Variants in GRIN2B observed in about 807,000 individuals in gnomAD.
GRIN2B encodes the protein glutamate ionotropic receptor NMDA type subunit 2B.
A neutral mutation model predicts 114.5 loss-of-function variants in GRIN2B; 5 were observed. The ratio of observed to expected loss-of-function variants is 0.04; its 90% CI spans 0.02 to 0.09. GRIN2B has a LOEUF of 0.09. GRIN2B is among the 10% of genes least tolerant of loss of function. The probability of loss-of-function intolerance (pLI) is 1.00; values close to 1 mark genes in which losing one functional copy is unlikely to be tolerated. For missense variants in GRIN2B, 1,108 were observed against 1,943.5 expected (o/e 0.57, Z 8.08); for synonymous variants, 787 against 745.1 (o/e 1.06, Z -0.92).
chr12:13,841,585 T>C (rs11055637), intron 3 of GRIN2B, among the ~76,000 whole-genome samples: 39,412 of 152,046 alleles, frequency 0.26, 5,225 homozygotes, highest in South Asian at 0.35. Context: ...TGTCAGGCTC[T>C]AGCCTAACAG....
intron 1 of GRIN2B, among the ~76,000 whole-genome samples, chr12:13,981,024 CG>C (rs1863126494): frequency 6.6e-6 from 1 of 152,146 alleles, no homozygotes. Flanking sequence ...TCACCTGCAA[CG>C]TGTCGATTGG....
Position 13,550,053 on chromosome 12 carries a change from T to A in GRIN2B, c.*12730A>T, listed in dbSNP as rs1007386862. 6.6e-6 allele frequency: 1 copy of A among 152,188 alleles called. No individual in the cohort carries two copies. Among genetic ancestry groups the A allele is most frequent in the Non-Finnish European group, 1.5e-5 (1 of 68,022 alleles). 9.4% of individuals were successfully genotyped at this position (152,188 alleles called of 1,614,324 possible). On this transcript the variant is annotated 3_prime_UTR_variant, in exon 14 of 14. Coordinates refer to ENST00000609686, the MANE Select transcript of GRIN2B (RefSeq NM_000834.5). The stretch of plus-strand genomic sequence containing the variant: ...AAGTTTTGGTTCAGCCAAGTTTTGG[T>A]TCTGTCAAGAATTTTCTGTATAATC...
intron 2 of GRIN2B, among the ~76,000 whole-genome samples, chr12:13,894,357 G>A (rs1020317881): frequency 6.6e-6 from 1 of 152,104 alleles, no homozygotes; most frequent in Non-Finnish European, 1.5e-5. Flanking sequence ...AGGTGGTTAA[G>A]TAAATTGTGC....
intron 3 of GRIN2B, among the ~76,000 whole-genome samples, chr12:13,842,917 C>CTTTTT (rs201344138): frequency 1.9e-5 from 2 of 103,216 alleles, no homozygotes; most frequent in African/African-American, 3.5e-5. Context: ...ATTGGTTTTT[C>CTTTTT]TTTTTTTTTT....
intron 10 of GRIN2B, among the ~76,000 whole-genome samples, chr12:13,586,461 T>A: frequency 6.6e-6 from 1 of 152,230 alleles, no homozygotes; most frequent in East Asian, 1.9e-4. Context: ...AACACTTGGC[T>A]GACTGGGAAG....
chr12:13,810,332 C>A (rs1864705393), intron 3 of GRIN2B, among the ~76,000 whole-genome samples: 1 of 151,936 alleles, frequency 6.6e-6, no homozygotes, highest in South Asian at 2.1e-4. Flanking sequence ...TCTCATGCCT[C>A]AGCCTCCTGA....
intron 3 of GRIN2B, among the ~76,000 whole-genome samples, chr12:13,799,792 A>AG (rs930612964): frequency 6.6e-6 from 1 of 152,058 alleles, no homozygotes; most frequent in African/African-American, 2.4e-5. Context: ...AAAAGATGGC[A>AG]GGGGGTACAG....
intron 2 of GRIN2B, among the ~76,000 whole-genome samples, chr12:13,936,064 G>T (rs1180654307): frequency 6.6e-6 from 1 of 152,064 alleles, no homozygotes; most frequent in Non-Finnish European, 1.5e-5. Flanking sequence ...TCTGCAGGGT[G>T]GATTATTAGA....
chr12:13,937,191 G>A lies in GRIN2B; in HGVS notation c.-19+42737C>T, dbSNP rs571248442. Reference sequence around the variant, plus strand: ...AACATATATATATATATAACTGGAGGAGTCCCAAAAGATTTTTTTTTAAAT... The same window carrying A: ...AACATATATATATATATAACTGGAGAAGTCCCAAAAGATTTTTTTTTAAAT... On this transcript the variant is annotated intron_variant, in intron 2 of 13. Transcript: ENST00000609686. Among the ~76,000 whole-genome samples, 263 of 151,426 alleles carry A rather than the reference G, an allele frequency of 1.7e-3. 2 individuals are homozygous for A. Among genetic ancestry groups the A allele is most frequent in the South Asian group, 4.4e-3 (21 of 4,800 alleles).
At chr12:13,845,026 C>T (rs1865445309) in intron 3 of GRIN2B, among the ~76,000 whole-genome samples, 1 of 152,038 alleles carries the variant, frequency 6.6e-6, no homozygotes, top group Non-Finnish European at 1.5e-5. Flanking sequence ...GCACTTCTTT[C>T]CTAAGTAGCT....
intron 10 of GRIN2B, among the ~76,000 whole-genome samples, chr12:13,602,855 T>C (rs1292735964): frequency 1.3e-5 from 2 of 152,326 alleles, no homozygotes; most frequent in East Asian, 1.9e-4. Flanking sequence ...ATCAAACTCC[T>C]CTACTTCCTT....
At chr12:13,741,903 C>T (rs1863293119) in intron 4 of GRIN2B, among the ~76,000 whole-genome samples, 1 of 152,096 alleles carries the variant, frequency 6.6e-6, no homozygotes, top group Non-Finnish European at 1.5e-5. Context: ...TACTTTTAAG[C>T]TTAAATTATG....
Position 13,563,236 on chromosome 12 carries a change from G to T in GRIN2B, c.4002C>A (p.Ser1334Arg). The change falls in exon 14 of 14, where the codon AGC becomes AGA. Residue 1334 changes from serine (S) to arginine (R), a missense_variant. Ser to Arg is a moderately radical substitution (Grantham distance 110, BLOSUM62 -1). Around this residue, in one of 19 missense-constraint regions of GRIN2B, gnomAD observed 478 missense variants for 506.0 expected, o/e 0.94. Coordinates refer to ENST00000609686, the MANE Select transcript of GRIN2B (RefSeq NM_000834.5). ...ACATCTCAAACATGTGGGCGTAGGG[G>T]CTCCCATCCATGAATCGGCCCTTGT... ...LKDKGRFMDG[S>R]PYAHMFEMSA... The T allele has an allele frequency of 6.2e-7, 1 of 1,614,224 alleles. No individual in the cohort carries two copies. The highest frequency in any genetic ancestry group is 8.5e-7 in the Non-Finnish European group (1 of 1,180,036).
At chr12:13,916,374 A>G (rs1334076513) in intron 2 of GRIN2B, among the ~76,000 whole-genome samples, 1 of 152,184 alleles carries the variant, frequency 6.6e-6, no homozygotes, top group Admixed American at 6.5e-5. Flanking sequence ...AAGAGAGAAC[A>G]GATTCATTCT....
intron 2 of GRIN2B, among the ~76,000 whole-genome samples, chr12:13,922,791 C>A (rs1324344106): frequency 1.3e-5 from 2 of 152,164 alleles, no homozygotes; most frequent in Non-Finnish European, 2.9e-5. Context: ...GGAAACAACG[C>A]CTCCTCCAGT....
In GRIN2B at chr12:13,563,765, C is replaced by T. The variant is rs143955920; in HGVS notation, c.3473G>A (p.Arg1158Gln). The change falls in exon 14 of 14, where the codon CGG (arginine) becomes CAG (glutamine). Residue 1158 changes from arginine (R) to glutamine (Q), a missense_variant. Physicochemically the swap from Arg to Gln is conservative, Grantham distance 43. Transcript: ENST00000609686. ...GGAGTCGCGCTTAAAGTCATCACTC[C>T]GCTCCTTGTAGATGTCGGTCAGGTC... ...HVDLTDIYKE[R>Q]SDDFKRDSVS... 1.4e-5 allele frequency: 23 copies of T among 1,614,048 alleles called. No homozygotes were observed. Among genetic ancestry groups the T allele is most frequent in the African/African-American group, 6.7e-5 (5 of 75,046 alleles).
intron 2 of GRIN2B, among the ~76,000 whole-genome samples, chr12:13,941,441 A>G (rs1251232937): frequency 1.3e-5 from 2 of 152,176 alleles, no homozygotes; most frequent in African/African-American, 2.4e-5. Context: ...GACAAGAAAA[A>G]AATCACAATG....
At chr12:13,660,491 T>A (rs1274747497) in intron 5 of GRIN2B, among the ~76,000 whole-genome samples, 1 of 152,180 alleles carries the variant, frequency 6.6e-6, no homozygotes, top group African/African-American at 2.4e-5. Context: ...AAGTGCTAAC[T>A]CTGGATACAG....
At chr12:13,903,233 T>C (rs1274385423) in intron 2 of GRIN2B, among the ~76,000 whole-genome samples, 1 of 152,162 alleles carries the variant, frequency 6.6e-6, no homozygotes, top group Non-Finnish European at 1.5e-5. Flanking sequence ...ATAAATTTCT[T>C]TTATTCTTAC....
Sources: gnomAD v4.1 joint callset for allele counts (sites outside exome capture counted in the v4.1 genomes callset) on GRCh38, gnomAD v4.1.1 for gene constraint, gnomAD v4.1.1 regional missense constraint, MANE v1.5 for transcripts, NCBI Gene and HGNC (gene_info 2026-07-23, HGNC 2026-07-21) for gene names.